Variants in COL5A2 observed in about 807,000 individuals in gnomAD.
The protein encoded by COL5A2 is collagen type V alpha 2 chain.
Under a neutral mutation model 208.2 loss-of-function variants are expected in COL5A2, and 23 were observed. The ratio of observed to expected loss-of-function variants is 0.11; its 90% CI spans 0.08 to 0.16. The LOEUF (loss-of-function observed/expected upper bound fraction) is 0.16. Ranked by LOEUF, COL5A2 falls within the 10% of genes least tolerant of loss-of-function variation. The pLI is 1.00. For synonymous variants in COL5A2, 625 were observed against 628.5 expected (o/e 0.99, Z 0.08); for missense variants, 1,590 against 1,956.4 (o/e 0.81, Z 3.53).
chr2:189,104,448 A>T (rs1687111698), intron 2 of COL5A2, among the ~76,000 whole-genome samples, 171 bp from the exon 3 acceptor site: 1 of 151,978 alleles, frequency 6.6e-6, no homozygotes, highest in Non-Finnish European at 1.5e-5. Context: ...TACTTCCATA[A>T]AAGGCAAAAA....
At chr2:189,059,585 G>GTTTTTTTTTTTTTTT (rs71020980) in intron 31 of COL5A2, among the ~76,000 whole-genome samples, 834 of 28,620 alleles carry the variant, frequency 0.029, 296 homozygotes, top group Non-Finnish European at 0.046. Context: ...TTCTTTTCTG[G>GTTTTTTTTTTTTTTT]TTTTTTTTTT....
chr2:189,217,773 C>T (rs904982514), intron 1 of COL5A2, among the ~76,000 whole-genome samples: 1 of 152,164 alleles, frequency 6.6e-6, no homozygotes, highest in Admixed American at 6.6e-5. Context: ...ATCCTGTTCT[C>T]TCCCTAGCCT....
At chr2:189,252,011 A>G in the COL5A2 span, among the ~76,000 whole-genome samples, 1 of 152,260 alleles carries the variant, frequency 6.6e-6, no homozygotes, top group Non-Finnish European at 1.5e-5. Context: ...ACATGAAAAA[A>G]TGCTCATCAT....
chr2:189,293,856 C>T, the COL5A2 span, among the ~76,000 whole-genome samples: 2 of 152,068 alleles, frequency 1.3e-5, no homozygotes, highest in African/African-American at 2.4e-5. Flanking sequence ...GAGGCCAAGG[C>T]GGGCACATCA....
At chr2:189,368,743 C>T in the COL5A2 span, among the ~76,000 whole-genome samples, 1 of 152,138 alleles carries the variant, frequency 6.6e-6, no homozygotes, top group Non-Finnish European at 1.5e-5. Flanking sequence ...AAAGGAAAGT[C>T]CTTAATTCTT....
intron 8 of COL5A2, 75 bp downstream of exon 8, chr2:189,088,620 G>C: frequency 9.2e-7 from 1 of 1,084,618 alleles, no homozygotes; most frequent in Non-Finnish European, 1.4e-6. Flanking sequence ...TCTTTGACTA[G>C]TTAACTCAAG....
chr2:189,245,340 G>T, the COL5A2 span, among the ~76,000 whole-genome samples: 2 of 152,012 alleles, frequency 1.3e-5, no homozygotes, highest in Non-Finnish European at 2.9e-5. Flanking sequence ...GAAACTTACT[G>T]TAACAGTTAG....
chr2:189,078,574 A>G lies in COL5A2; in HGVS notation c.1006-5T>C. 6.2e-7 allele frequency: 1 copy of G among 1,611,318 alleles called. No individual in the cohort carries two copies. The highest frequency in any genetic ancestry group is 8.5e-7 in the Non-Finnish European group (1 of 1,177,614). ...TCCTGGCATTCCCCTCGGACCCTAT[A>G]GACGATAGAGAAGAAATGTCTCTTG... is the stretch of plus-strand genomic sequence containing the variant. On this transcript the variant is annotated splice_region_variant and splice_polypyrimidine_tract_variant and intron_variant, in intron 15 of 53. Coordinates refer to ENST00000374866, the MANE Select transcript of COL5A2 (RefSeq NM_000393.5).
the COL5A2 span, among the ~76,000 whole-genome samples, chr2:189,357,135 G>A: frequency 3.3e-5 from 5 of 152,146 alleles, no homozygotes; most frequent in African/African-American, 1.2e-4. Flanking sequence ...TCGACCAGAT[G>A]CCAGCCAGAG....
chr2:189,433,997 C>T, the COL5A2 span, among the ~76,000 whole-genome samples: 1 of 152,210 alleles, frequency 6.6e-6, no homozygotes, highest in Non-Finnish European at 1.5e-5. Flanking sequence ...ATCAAGTTGG[C>T]TTCATCCCTG....
chr2:189,314,046 A>C, the COL5A2 span, among the ~76,000 whole-genome samples: 12 of 152,260 alleles, frequency 7.9e-5, no homozygotes, highest in African/African-American at 2.6e-4. Context: ...AAGACAGAAA[A>C]TTAACAAAGA....
the COL5A2 span, among the ~76,000 whole-genome samples, chr2:189,269,506 T>C: frequency 6.6e-6 from 1 of 152,192 alleles, no homozygotes; most frequent in Non-Finnish European, 1.5e-5. Flanking sequence ...CATGTGGTTT[T>C]TGTCATTGGT....
chr2:189,252,129 T>TG, the COL5A2 span, among the ~76,000 whole-genome samples: 2 of 152,092 alleles, frequency 1.3e-5, no homozygotes, highest in East Asian at 3.8e-4. Context: ...CTGGAGAGGA[T>TG]GTGGAGAAAT....
chr2:189,243,275 T>C, the COL5A2 span, among the ~76,000 whole-genome samples: 4 of 152,110 alleles, frequency 2.6e-5, no homozygotes, highest in Admixed American at 2.0e-4. Flanking sequence ...TTAAGTTCAA[T>C]CTAGAAAAAA....
chr2:189,239,172 T>C, the COL5A2 span, among the ~76,000 whole-genome samples: 1 of 152,046 alleles, frequency 6.6e-6, no homozygotes, highest in African/African-American at 2.4e-5. Context: ...ACCCAAGTGT[T>C]GACAGAACTT....
At chr2:189,045,480 A>G (rs1576490391) in intron 46 of COL5A2, among the ~76,000 whole-genome samples, 1 of 152,294 alleles carries the variant, frequency 6.6e-6, no homozygotes, top group East Asian at 1.9e-4. Flanking sequence ...GACTTCATTG[A>G]ATAAGTATCA....
At chr2:189,354,799 A>T in the COL5A2 span, among the ~76,000 whole-genome samples, 1 of 151,710 alleles carries the variant, frequency 6.6e-6, no homozygotes, top group African/African-American at 2.4e-5. Context: ...CTCTGATCTC[A>T]GTTATTTCTT....
the COL5A2 span, among the ~76,000 whole-genome samples, chr2:189,357,302 G>A: frequency 2.6e-5 from 4 of 152,166 alleles, no homozygotes; most frequent in African/African-American, 9.7e-5. Flanking sequence ...CCGTCAGGCA[G>A]GGACGTTTAA....
the COL5A2 span, among the ~76,000 whole-genome samples, chr2:189,399,214 C>A: frequency 6.7e-6 from 1 of 149,112 alleles, no homozygotes; most frequent in South Asian, 2.1e-4. Context: ...AAGATAAATT[C>A]TTTCAGTCTT....
Sources: allele counts gnomAD v4.1 joint callset (sites outside exome capture counted in the v4.1 genomes callset), GRCh38; gene constraint gnomAD v4.1.1; transcripts MANE v1.5; gene names NCBI Gene and HGNC (gene_info 2026-07-23, HGNC 2026-07-21).